Variants in OR3A2 observed in about 807,000 individuals in gnomAD.
OR3A2 encodes olfactory receptor family 3 subfamily A member 2.
For missense variants in OR3A2, 318 were observed against 392.8 expected (o/e 0.81, Z 1.61); for synonymous variants, 126 against 159.3 (o/e 0.79, Z 1.57).
intron 2 of OR3A2, among the ~76,000 whole-genome samples, chr17:3,364,314 A>G (rs1383791398): frequency 6.6e-6 from 1 of 152,246 alleles, no homozygotes; most frequent in Non-Finnish European, 1.5e-5. Flanking sequence ...GCTAGTTAGC[A>G]TATCTCACTT....
upstream of OR3A2, among the ~76,000 whole-genome samples, chr17:3,288,252 AAAAAAAAAAAAAAGAC>A (rs942923997): frequency 6.7e-6 from 1 of 149,198 alleles, no homozygotes; most frequent in African/African-American, 2.4e-5. Context: ...AGGGCAAAAA[AAAAAAAAAAAAAAGAC>A]AAAAAAAGAA....
chr17:3,304,229 TG>T (rs1237706294), intron 3 of OR3A2, among the ~76,000 whole-genome samples: 1 of 152,096 alleles, frequency 6.6e-6, no homozygotes, highest in African/African-American at 2.4e-5. Context: ...TCTCTCCGGA[TG>T]TTAGAGTTTT....
At chr17:3,330,198 G>T (rs1262895820) in intron 3 of OR3A2, among the ~76,000 whole-genome samples, 1 of 151,360 alleles carries the variant, frequency 6.6e-6, no homozygotes, top group African/African-American at 2.4e-5. Flanking sequence ...GTTGATTTGG[G>T]GTGGAGAGTT....
chr17:3,342,993 C>A (rs1329621890), intron 2 of OR3A2, among the ~76,000 whole-genome samples: 1 of 152,210 alleles, frequency 6.6e-6, no homozygotes, highest in African/African-American at 2.4e-5. Context: ...AGGCTTGCCG[C>A]CTTGCAGTTC....
At position 3,362,142 on chromosome 17, in the gene OR3A2, T is replaced by C. The variant is rs2049523223; in HGVS notation, c.-179+21662A>G. 2.0e-5 allele frequency among the ~76,000 whole-genome samples: 3 copies of C among 151,728 alleles called. No homozygotes were observed. The South Asian group carries it at 6.2e-4, about 31-fold the overall frequency. On this transcript the variant is annotated intron_variant, in intron 2 of 4. Coordinates refer to the OR3A2 transcript ENST00000573491. Reference sequence around the variant, plus strand: ...ATTCAACTTCTTCCTGGTTTAGTCTTGGGAGGGTGTATGTGTTGAGGAATT... The same window carrying C: ...ATTCAACTTCTTCCTGGTTTAGTCTCGGGAGGGTGTATGTGTTGAGGAATT...
At chr17:3,381,181 A>G (rs1266702132) in intron 2 of OR3A2, among the ~76,000 whole-genome samples, 1 of 151,894 alleles carries the variant, frequency 6.6e-6, no homozygotes, top group African/African-American at 2.4e-5. Flanking sequence ...GCCTGGACAT[A>G]TCGGGATACA....
intron 2 of OR3A2, among the ~76,000 whole-genome samples, chr17:3,352,990 TG>T (rs2049432544): frequency 6.6e-6 from 1 of 151,828 alleles, no homozygotes; most frequent in Non-Finnish European, 1.5e-5. Context: ...TATTTTTATT[TG>T]TGGCTACTGT....
chr17:3,312,752 T>C (rs543320592), intron 3 of OR3A2, among the ~76,000 whole-genome samples: 14 of 152,126 alleles, frequency 9.2e-5, no homozygotes, highest in Non-Finnish European at 1.6e-4. Context: ...AGCCTCCCGA[T>C]AGCTGGGATT....
intron 2 of OR3A2, among the ~76,000 whole-genome samples, chr17:3,379,490 G>T (rs867840670): frequency 6.6e-6 from 1 of 152,154 alleles, no homozygotes; most frequent in Admixed American, 6.5e-5. Context: ...CGGCTGCCAC[G>T]ATCCCTGAAC....
chr17:3,319,171 G>C (rs1324607340), intron 3 of OR3A2, among the ~76,000 whole-genome samples: 1 of 151,988 alleles, frequency 6.6e-6, no homozygotes, highest in Admixed American at 6.6e-5. Context: ...CAAACATTAT[G>C]ATTCTACTGT....
Position 3,327,070 on chromosome 17 carries a change from C to T in OR3A2, c.-85+8963G>A, listed in dbSNP as rs1159642902. ...TTATAATCCTTTGGGTATATATACC[C>T]AGTCATGGGATGGCTGGGTCAAATG... On this transcript the variant is annotated intron_variant, in intron 3 of 4. Coordinates refer to the OR3A2 transcript ENST00000573491. Among the ~76,000 whole-genome samples the T allele has an allele frequency of 4.9e-5, 4 of 81,750 alleles. 2 individuals carry two copies. The highest frequency in any genetic ancestry group is 8.4e-5 in the Non-Finnish European group (4 of 47,666). The allele number at this position is 81,750 out of a possible 152,430, so 53.6% of individuals were successfully genotyped here.
chr17:3,358,464 T>A (rs2049481298), intron 2 of OR3A2, among the ~76,000 whole-genome samples: 2 of 151,790 alleles, frequency 1.3e-5, no homozygotes, highest in African/African-American at 4.9e-5. Context: ...CCAGAAATTC[T>A]GCTATGTTGT....
At chr17:3,289,211 G>T (rs968605712), upstream of OR3A2, among the ~76,000 whole-genome samples, 3 of 152,208 alleles carry the variant, frequency 2.0e-5, no homozygotes, top group South Asian at 6.2e-4. Context: ...GAAGGGTGGT[G>T]ATGTTCTGTA....
At chr17:3,332,027 G>GGGGGTCA (rs1242654396) in intron 3 of OR3A2, among the ~76,000 whole-genome samples, 4 of 152,006 alleles carry the variant, frequency 2.6e-5, no homozygotes, top group Non-Finnish European at 5.9e-5. Flanking sequence ...TAGGCTGCTC[G>GGGGGTCA]GGGGTCAGGG....
chr17:3,334,987 C>A (rs1183780051), intron 3 of OR3A2, among the ~76,000 whole-genome samples: 1 of 152,154 alleles, frequency 6.6e-6, no homozygotes, highest in East Asian at 1.9e-4. Context: ...GTCCATTTCA[C>A]TGTAACATCA....
chr17:3,284,697 G>T (rs1427998664), upstream of OR3A2: 4 of 145,326 alleles, frequency 2.8e-5, no homozygotes, highest in African/African-American at 5.4e-5. Context: ...TTGTGGGCAG[G>T]TTGTTACGGC....
chr17:3,296,047 T>C (rs1232422108), intron 3 of OR3A2, among the ~76,000 whole-genome samples: 1 of 152,132 alleles, frequency 6.6e-6, no homozygotes, highest in Non-Finnish European at 1.5e-5. Context: ...GTAGAACCAA[T>C]TGACATTGTA....
At position 3,364,498 on chromosome 17, in the gene OR3A2, C is replaced by T. The variant is rs528666507; in HGVS notation, c.-179+19306G>A. 1.2e-4 allele frequency among the ~76,000 whole-genome samples: 19 copies of T among 152,308 alleles called. 1 individual carries two copies. The East Asian group carries it at 1.7e-3, about 14-fold the overall frequency. On this transcript the variant is annotated intron_variant, in intron 2 of 4. Coordinates refer to the OR3A2 transcript ENST00000573491. ...GACCAATGCCCCCCATCCCTGTCCA[C>T]GTCTCACCCAGCCTCTGGTCACCAC...
intron 3 of OR3A2, among the ~76,000 whole-genome samples, chr17:3,297,100 G>A (rs1301192936): frequency 6.6e-6 from 1 of 152,218 alleles, no homozygotes; most frequent in African/African-American, 2.4e-5. Flanking sequence ...ACCAGGCAGA[G>A]CTGGTGGAAG....
Sources: gnomAD v4.1 joint callset for allele counts (sites outside exome capture counted in the v4.1 genomes callset) on GRCh38, gnomAD v4.1.1 for gene constraint, MANE v1.5 for transcripts, NCBI Gene and HGNC (gene_info 2026-07-23, HGNC 2026-07-21) for gene names.